KIAA0232: variants seen among roughly 807,000 people sequenced by gnomAD.
KIAA0232 encodes KIAA0232.
Under a neutral mutation model 122.0 loss-of-function variants are expected in KIAA0232, and 27 were observed. The observed-to-expected ratio is 0.22, with a 90% CI of 0.16 to 0.31. The LOEUF is 0.31. Ranked by LOEUF, KIAA0232 falls within the 10% of genes least tolerant of loss-of-function variation. The pLI, the probability that KIAA0232 is intolerant of heterozygous loss-of-function variation, is 1.00. For missense variants in KIAA0232, 1,551 were observed against 1,634.2 expected (o/e 0.95, Z 0.88); for synonymous variants, 613 against 587.6 (o/e 1.04, Z -0.63).
At position 6,861,859 on chromosome 4, in the gene KIAA0232, G is replaced by A; in HGVS notation, c.1477G>A (p.Glu493Lys). Residue 493 changes from glutamate to lysine, a missense_variant, in exon 7 of 10, where the codon GAG becomes AAG. By Grantham distance (56) the Glu-to-Lys change is moderately conservative. This residue lies in a region of KIAA0232 where 1,108 missense variants were observed against 1,154.8 expected (regional missense o/e 0.96). Transcript: ENST00000307659. ...LTGTSLCSLP[E>K]DNKYLDDIHL... ...TGGGACCTCATTATGTTCTCTACCA[G>A]AGGACAATAAATACCTGGATGATAT... is the stretch of plus-strand genomic sequence containing the variant. 1.9e-6 allele frequency: 3 copies of A among 1,614,058 alleles called. No individual in the cohort carries two copies. Among genetic ancestry groups the A allele is most frequent in the Non-Finnish European group, 2.5e-6 (3 of 1,179,966 alleles).
In KIAA0232 at chr4:6,861,964, C is replaced by T; in HGVS notation, c.1582C>T (p.Gln528Ter). 1 of 1,613,978 alleles carries T rather than the reference C, an allele frequency of 6.2e-7. No individual in the cohort carries two copies. The highest frequency in any genetic ancestry group is 2.2e-5 in the East Asian group (1 of 44,874). Residue 528 changes from glutamine (Q) to a stop codon, truncating the protein, a stop_gained, in exon 7 of 10, where the codon CAA (glutamine) becomes TAA (stop). Transcript: ENST00000307659. LOFTEE classifies it high-confidence loss of function. The stretch of plus-strand genomic sequence containing the variant: ...GGATCCTGGTGCCTCAGAAACAATG[C>T]AAGGAGAAAGTCGGATTTTGAATAT... ...MLDPGASETM[Q>*]GESRILNMIR...
Position 6,863,098 on chromosome 4 carries a change from G to A in KIAA0232, c.2716G>A (p.Val906Met), listed in dbSNP as rs776927340. The change falls in exon 7 of 10, where the codon GTG becomes ATG. Residue 906 changes from valine to methionine, a missense_variant. By Grantham distance (21) the Val-to-Met change is conservative. This residue lies in a region of KIAA0232 where 1,108 missense variants were observed against 1,154.8 expected (regional missense o/e 0.96). Transcript: ENST00000307659. ...ATTTGCTTCTAGTGAGCTATCAAAC[G>A]TGGATGGTGGTGATTATACAACACC... ...RAFASSELSNVDGGDYTTPSK... is the reference protein window; with the variant it reads ...RAFASSELSNMDGGDYTTPSK... 5.6e-6 allele frequency: 9 copies of A among 1,614,212 alleles called. No individual in the cohort carries two copies. Among genetic ancestry groups the A allele is most frequent in the Middle Eastern group, 1.6e-4 (1 of 6,062 alleles).
intron 9 of KIAA0232, 63 bp from the exon 10 acceptor site, chr4:6,880,724 G>C: frequency 1.8e-6 from 2 of 1,104,342 alleles, no homozygotes; most frequent in Non-Finnish European, 2.5e-6. Flanking sequence ...TATAGATAGA[G>C]TATCTCACCC....
chr4:6,843,539 CG>C (rs1719776444), intron 4 of KIAA0232, among the ~76,000 whole-genome samples: 1 of 152,140 alleles, frequency 6.6e-6, no homozygotes, highest in Non-Finnish European at 1.5e-5. Flanking sequence ...GAGGCCAAGG[CG>C]GGCAGATCAC....
chr4:6,794,494 C>T (rs1237264039), intron 1 of KIAA0232, among the ~76,000 whole-genome samples: 2 of 152,118 alleles, frequency 1.3e-5, no homozygotes, highest in African/African-American at 4.8e-5. Flanking sequence ...ACTGATAATA[C>T]AAATAAGCAA....
intron 7 of KIAA0232, among the ~76,000 whole-genome samples, chr4:6,870,202 A>C (rs1444532562): frequency 6.6e-6 from 1 of 152,142 alleles, no homozygotes; most frequent in Admixed American, 6.5e-5. Context: ...TGGCCACACT[A>C]TCCAGTTCTC....
intron 3 of KIAA0232, among the ~76,000 whole-genome samples, chr4:6,837,678 G>T (rs1395061355): frequency 6.6e-6 from 1 of 152,244 alleles, no homozygotes; most frequent in African/African-American, 2.4e-5. Flanking sequence ...TCGGGAGGCC[G>T]AAGCTGGCAG....
intron 2 of KIAA0232, among the ~76,000 whole-genome samples, chr4:6,810,263 A>T (rs1056994796): frequency 4.6e-5 from 7 of 152,208 alleles, no homozygotes; most frequent in African/African-American, 1.7e-4. Context: ...AGAGTCCAGA[A>T]ATTAAGCCAC....
chr4:6,783,001 A>G (rs994963463), intron 1 of KIAA0232, among the ~76,000 whole-genome samples, 160 bp downstream of exon 1: 10 of 143,008 alleles, frequency 7.0e-5, no homozygotes, highest in Non-Finnish European at 1.5e-4. Flanking sequence ...CAAGGGAGAC[A>G]GGGCCGCCGC....
chr4:6,824,084 T>G, intron 2 of KIAA0232, 101 bp from the exon 3 acceptor site: 2 of 405,120 alleles, frequency 4.9e-6, no homozygotes, highest in Non-Finnish European at 8.7e-6. Flanking sequence ...CAAAAATATT[T>G]TAATAAAGAG....
chr4:6,856,722 G>A (rs1720589521), intron 4 of KIAA0232, among the ~76,000 whole-genome samples: 1 of 151,244 alleles, frequency 6.6e-6, no homozygotes, highest in Non-Finnish European at 1.5e-5. Flanking sequence ...CAGGGTGTGA[G>A]CTCCTAGAGA....
Position 6,876,695 on chromosome 4 carries a change from G to A in KIAA0232, c.3946G>A (p.Glu1316Lys). 1 of 1,613,294 alleles carries A rather than the reference G, an allele frequency of 6.2e-7. No individual in the cohort carries two copies. Among genetic ancestry groups the A allele is most frequent in the Non-Finnish European group, 8.5e-7 (1 of 1,179,266 alleles). Reference sequence around the variant, plus strand: ...AAATGCCAAGGGAGAGAGTGGTTTAGAAGAATATCCAGATGCTAAAGAGAC... The same window carrying A: ...AAATGCCAAGGGAGAGAGTGGTTTAAAAGAATATCCAGATGCTAAAGAGAC... The part of the protein sequence containing the change: ...YTNAKGESGL[E>K]EYPDAKETPS... The change falls in exon 9 of 10, where the codon GAA (glutamate) becomes AAA (lysine). Residue 1316 changes from glutamate to lysine, a missense_variant. Glu to Lys is a moderately conservative substitution (Grantham distance 56). Transcript: ENST00000307659.
intron 2 of KIAA0232, among the ~76,000 whole-genome samples, chr4:6,822,635 A>G (rs1718474786): frequency 6.6e-6 from 1 of 152,152 alleles, no homozygotes; most frequent in Non-Finnish European, 1.5e-5. Flanking sequence ...ATTATGATTT[A>G]ATAAAGCCAT....
chr4:6,783,717 G>T (rs1276216671), intron 1 of KIAA0232, among the ~76,000 whole-genome samples: 1 of 151,076 alleles, frequency 6.6e-6, no homozygotes, highest in Non-Finnish European at 1.5e-5. Context: ...CTGGCGGGCG[G>T]GGCCGGTGCG....
chr4:6,823,164 A>G (rs1040592444), intron 2 of KIAA0232, among the ~76,000 whole-genome samples: 12 of 151,644 alleles, frequency 7.9e-5, no homozygotes, highest in African/African-American at 2.9e-4. Context: ...ACATTTTCTT[A>G]ATCCAGTCTA....
At chr4:6,857,799 C>T (rs1446440069) in intron 5 of KIAA0232, among the ~76,000 whole-genome samples, 5 of 152,170 alleles carry the variant, frequency 3.3e-5, no homozygotes, top group African/African-American at 4.8e-5. Flanking sequence ...TCCCTAAGAA[C>T]GAGACCTTCA....
chr4:6,818,399 CAAAAAAAAAAA>C (rs34255308), intron 2 of KIAA0232, among the ~76,000 whole-genome samples: 2 of 81,928 alleles, frequency 2.4e-5, no homozygotes, highest in Admixed American at 1.4e-4. Flanking sequence ...GACTCCGTCT[CAAAAAAAAAAA>C]AAAAAAAAGA....
chr4:6,800,566 A>G (rs1179631322), intron 1 of KIAA0232, among the ~76,000 whole-genome samples: 3 of 151,820 alleles, frequency 2.0e-5, no homozygotes, highest in Admixed American at 2.0e-4. Flanking sequence ...CTGTAATCCC[A>G]GCTACGCAGG....
At chr4:6,871,256 A>G (rs945604276) in intron 7 of KIAA0232, among the ~76,000 whole-genome samples, 1 of 152,138 alleles carries the variant, frequency 6.6e-6, no homozygotes, top group Non-Finnish European at 1.5e-5. Context: ...AACATGGCGA[A>G]ACCCCATTTC....
Sources: gnomAD v4.1 joint callset for allele counts (sites outside exome capture counted in the v4.1 genomes callset) on GRCh38, gnomAD v4.1.1 for gene constraint, gnomAD v4.1.1 regional missense constraint, MANE v1.5 for transcripts, NCBI Gene and HGNC (gene_info 2026-07-23, HGNC 2026-07-21) for gene names.